NPAS3: variants seen among roughly 807,000 people sequenced by gnomAD.
The protein encoded by NPAS3 is neuronal PAS domain-containing protein 3.
Under a neutral mutation model 73.1 loss-of-function variants are expected in NPAS3, and 14 were observed. The observed-to-expected ratio is 0.19, with a 90% CI of 0.13 to 0.30. The LOEUF is 0.30. NPAS3 is among the 10% of genes least tolerant of loss of function. The probability of loss-of-function intolerance (pLI) is 1.00; values close to 1 mark genes in which losing one functional copy is unlikely to be tolerated. For synonymous variants in NPAS3, 620 were observed against 541.5 expected (o/e 1.14, Z -2.01); for missense variants, 1,096 against 1,250.0 (o/e 0.88, Z 1.86).
At chr14:33,518,592 ATTTT>A (rs71433619) in intron 4 of NPAS3, among the ~76,000 whole-genome samples, 1 of 128,826 alleles carries the variant, frequency 7.8e-6, no homozygotes, top group Non-Finnish European at 1.6e-5. Flanking sequence ...GACATCAAGG[ATTTT>A]TTTTTTTTTT....
At chr14:33,802,266 T>C (rs1443146318), downstream of NPAS3, 2 of 151,794 alleles carry the variant, frequency 1.3e-5, no homozygotes, top group African/African-American at 2.4e-5. Context: ...TTTGATGGAA[T>C]TTCTTTCCCT....
chr14:33,613,724 G>A (rs747103541), intron 5 of NPAS3, among the ~76,000 whole-genome samples: 1 of 152,116 alleles, frequency 6.6e-6, no homozygotes, highest in Non-Finnish European at 1.5e-5. Flanking sequence ...AACCCCCTGA[G>A]GCAGAACTCT....
intron 4 of NPAS3, among the ~76,000 whole-genome samples, chr14:33,541,130 TGCACACACA>T: frequency 6.9e-6 from 1 of 145,438 alleles, no homozygotes; most frequent in East Asian, 2.1e-4. Context: ...TGTGTGTGCA[TGCACACACA>T]CACATTAGTA....
intron 5 of NPAS3, among the ~76,000 whole-genome samples, chr14:33,617,289 A>T (rs1053651212): frequency 6.4e-4 from 98 of 152,212 alleles, no homozygotes; most frequent in Admixed American, 6.3e-3. Flanking sequence ...CCATTTACTG[A>T]CTCATAGCAA....
At chr14:33,480,569 C>CTCCCTCCCTCTCTCTCTCCTTCTGGG (rs1566939282) in intron 4 of NPAS3, among the ~76,000 whole-genome samples, 1 of 125,446 alleles carries the variant, frequency 8.0e-6, no homozygotes, top group Admixed American at 8.0e-5. Flanking sequence ...CCCTCCCTCC[C>CTCCCTCCCTCTCTCTCTCCTTCTGGG]TCCCTCTCTC....
chr14:33,629,592 T>G (rs2058323627), intron 5 of NPAS3, among the ~76,000 whole-genome samples: 1 of 151,750 alleles, frequency 6.6e-6, no homozygotes, highest in Non-Finnish European at 1.5e-5. Context: ...TTTTAACACA[T>G]TCCCTCTAGA....
intron 6 of NPAS3, among the ~76,000 whole-genome samples, chr14:33,687,692 A>G (rs1046710444): frequency 2.0e-5 from 3 of 152,252 alleles, no homozygotes; most frequent in Non-Finnish European, 2.9e-5. Context: ...TACATTTCAC[A>G]TGTAAAAACA....
chr14:33,803,069 G>C (rs1305929447), downstream of NPAS3: 1 of 152,180 alleles, frequency 6.6e-6, no homozygotes, highest in East Asian at 1.9e-4. Context: ...ATAATGCTCA[G>C]ATATATTAAA....
At chr14:33,496,664 A>C (rs2052209951) in intron 4 of NPAS3, among the ~76,000 whole-genome samples, 1 of 152,188 alleles carries the variant, frequency 6.6e-6, no homozygotes, top group Non-Finnish European at 1.5e-5. Flanking sequence ...TCATGCTAAA[A>C]ACTCTCAATA....
intron 1 of NPAS3, among the ~76,000 whole-genome samples, chr14:32,966,971 C>G (rs996323681): frequency 6.6e-6 from 1 of 152,016 alleles, no homozygotes; most frequent in Non-Finnish European, 1.5e-5. Context: ...AGGAAACAAT[C>G]GACAGAGTGA....
chr14:33,360,761 A>G (rs1223923775), intron 3 of NPAS3, among the ~76,000 whole-genome samples: 1 of 152,194 alleles, frequency 6.6e-6, no homozygotes, highest in East Asian at 1.9e-4. Flanking sequence ...CAGGTATGTC[A>G]GGGATGTCCT....
intron 4 of NPAS3, among the ~76,000 whole-genome samples, chr14:33,381,559 T>C (rs2046554633): frequency 6.6e-6 from 1 of 152,146 alleles, no homozygotes; most frequent in Non-Finnish European, 1.5e-5. Context: ...GGGGAAAAAG[T>C]AGTAAAGGGA....
At chr14:33,445,133 T>C (rs2049427167) in intron 4 of NPAS3, among the ~76,000 whole-genome samples, 2 of 152,248 alleles carry the variant, frequency 1.3e-5, no homozygotes, top group Non-Finnish European at 2.9e-5. Flanking sequence ...ATTGTATTTA[T>C]TTTGATCAAT....
intron 1 of NPAS3, among the ~76,000 whole-genome samples, chr14:32,962,158 A>C (rs1451797772): frequency 2.6e-5 from 4 of 152,164 alleles, no homozygotes; most frequent in African/African-American, 9.7e-5. Flanking sequence ...TTCTGTAATA[A>C]AGGGAAGGAG....
intron 5 of NPAS3, among the ~76,000 whole-genome samples, chr14:33,633,782 C>G (rs1005640153): frequency 6.6e-6 from 1 of 152,046 alleles, no homozygotes; most frequent in Non-Finnish European, 1.5e-5. Flanking sequence ...GAGAGTGAGA[C>G]CAGCCTGGGC....
chr14:33,354,398 C>T (rs2045234993), intron 3 of NPAS3, among the ~76,000 whole-genome samples: 1 of 152,162 alleles, frequency 6.6e-6, no homozygotes, highest in South Asian at 2.1e-4. Context: ...TAGGACATGG[C>T]TGCCGCTTTA....
intron 3 of NPAS3, among the ~76,000 whole-genome samples, chr14:33,355,404 G>A (rs991239192): frequency 1.3e-5 from 2 of 152,054 alleles, no homozygotes; most frequent in African/African-American, 4.8e-5. Flanking sequence ...AGGTTCAAGC[G>A]ATTCTCCTGC....
At chr14:33,688,691 G>A (rs1281883705) in intron 6 of NPAS3, among the ~76,000 whole-genome samples, 2 of 152,172 alleles carry the variant, frequency 1.3e-5, no homozygotes, top group African/African-American at 2.4e-5. Context: ...GACAAGACCT[G>A]TCAACTCCAA....
intron 5 of NPAS3, among the ~76,000 whole-genome samples, chr14:33,640,400 T>C (rs1371158136): frequency 6.6e-6 from 1 of 152,198 alleles, no homozygotes; most frequent in Non-Finnish European, 1.5e-5. Context: ...ATCTTCACAA[T>C]ATGTTCTGAC....
Sources: allele counts gnomAD v4.1 joint callset (sites outside exome capture counted in the v4.1 genomes callset), GRCh38; gene constraint gnomAD v4.1.1; transcripts MANE v1.5; gene names NCBI Gene and HGNC (gene_info 2026-07-23, HGNC 2026-07-21).